MYLK: variants seen among roughly 807,000 people sequenced by gnomAD.
MYLK encodes the protein myosin light chain kinase.
In MYLK, 106 loss-of-function variants were observed where a neutral mutation model predicts 203.4. The ratio of observed to expected loss-of-function variants is 0.52; its 90% CI spans 0.45 to 0.61. The LOEUF is 0.61. Among genes scored for constraint, MYLK ranks in the 20% least tolerant of loss-of-function variants. The pLI is 0.00. For missense variants in MYLK, 2,072 were observed against 2,442.3 expected (o/e 0.85, Z 3.20); for synonymous variants, 867 against 959.5 (o/e 0.90, Z 1.78).
intron 18 of MYLK, among the ~76,000 whole-genome samples, chr3:123,698,621 G>A (rs1205535662): frequency 6.6e-6 from 1 of 152,126 alleles, no homozygotes; most frequent in Admixed American, 6.5e-5. Flanking sequence ...TGGAGGAGAC[G>A]ACTTCTGGAG....
intron 20 of MYLK, chr3:123,681,972 G>T (rs752277820): frequency 1.8e-6 from 1 of 556,584 alleles, no homozygotes; most frequent in Non-Finnish European, 3.3e-6. Context: ...GTAGATAGGA[G>T]CTCAGATGAG....
intron 3 of MYLK, among the ~76,000 whole-genome samples, chr3:123,799,534 G>A (rs2065117632): frequency 6.6e-6 from 1 of 152,114 alleles, no homozygotes; most frequent in South Asian, 2.1e-4. Context: ...CGGGCATCTT[G>A]GAAATATCAT....
At chr3:123,791,166 G>A (rs2064765740) in intron 4 of MYLK, among the ~76,000 whole-genome samples, 1 of 152,126 alleles carries the variant, frequency 6.6e-6, no homozygotes, top group Non-Finnish European at 1.5e-5. Context: ...AAGGTCAAGT[G>A]GCCCCAACAG....
chr3:123,637,441 G>A (rs1319015713), intron 29 of MYLK, among the ~76,000 whole-genome samples: 2 of 152,132 alleles, frequency 1.3e-5, no homozygotes, highest in Non-Finnish European at 2.9e-5. Flanking sequence ...GTGAAGTGCC[G>A]GCCTAGATGG....
chr3:123,626,560 G>T (rs2058157536), intron 31 of MYLK, among the ~76,000 whole-genome samples: 3 of 152,172 alleles, frequency 2.0e-5, no homozygotes, highest in Non-Finnish European at 4.4e-5. Flanking sequence ...AGGGTTTACG[G>T]TCCCCTGGGG....
chr3:123,831,822 C>T (rs971109747), intron 2 of MYLK, among the ~76,000 whole-genome samples, 152 bp from the exon 3 acceptor site: 3 of 152,084 alleles, frequency 2.0e-5, no homozygotes, highest in Non-Finnish European at 4.4e-5. Flanking sequence ...CTTTTATTAC[C>T]GTGTGGGGGG....
At chr3:123,839,163 C>A (rs988006554) in intron 2 of MYLK, among the ~76,000 whole-genome samples, 1 of 151,748 alleles carries the variant, frequency 6.6e-6, no homozygotes, top group African/African-American at 2.4e-5. Flanking sequence ...ATAAAAGGGA[C>A]AAGAAAAAGA....
At chr3:123,712,812 T>C (rs1189267732) in intron 13 of MYLK, among the ~76,000 whole-genome samples, 5 of 152,302 alleles carry the variant, frequency 3.3e-5, no homozygotes, top group African/African-American at 9.6e-5. Context: ...TTTAAAGAGA[T>C]AATAGGTAAA....
chr3:123,720,872 G>T (rs1170434857), intron 13 of MYLK, among the ~76,000 whole-genome samples: 4 of 152,176 alleles, frequency 2.6e-5, no homozygotes, highest in African/African-American at 7.2e-5. Flanking sequence ...GCCCACAGTG[G>T]CCAGTCTTCC....
chr3:123,884,329 G>A lies in MYLK; in HGVS notation c.-309C>T. 1 of 141,972 alleles carries A rather than the reference G, an allele frequency of 7.0e-6. No homozygotes were observed. The highest frequency in any genetic ancestry group is 2.2e-4 in the South Asian group (1 of 4,636). 8.8% of individuals were successfully genotyped at this position (141,972 alleles called of 1,614,324 possible). ...TGCTGCCGACCGGGCGGCGCGGGGA[G>A]CCCGCGAGGCGCGTCCGGGACTGGG... is the stretch of plus-strand genomic sequence containing the variant. On this transcript the variant is annotated 5_prime_UTR_variant, in exon 1 of 34. Coordinates refer to ENST00000360304, the MANE Select transcript of MYLK (RefSeq NM_053025.4).
chr3:123,821,847 G>T (rs1209469889), intron 3 of MYLK, among the ~76,000 whole-genome samples: 3 of 152,176 alleles, frequency 2.0e-5, no homozygotes, highest in Non-Finnish European at 4.4e-5. Flanking sequence ...GTCCAACCCT[G>T]TAGGGGGTTG....
intron 1 of MYLK, among the ~76,000 whole-genome samples, chr3:123,877,691 T>TTCC (rs1241557739): frequency 8.5e-5 from 13 of 152,314 alleles, no homozygotes; most frequent in Middle Eastern, 3.4e-3. Context: ...ATAAGAACTG[T>TTCC]TCCTCCAGGC....
intron 29 of MYLK, chr3:123,630,439 C>T (rs910207488): frequency 6.6e-6 from 1 of 152,232 alleles, no homozygotes; most frequent in African/African-American, 2.4e-5. Flanking sequence ...CAAGTGAACT[C>T]ACTTAATCTT....
intron 20 of MYLK, among the ~76,000 whole-genome samples, chr3:123,672,430 G>A (rs1003361872): frequency 2.6e-5 from 4 of 152,024 alleles, no homozygotes; most frequent in Non-Finnish European, 4.4e-5. Context: ...CCAGTCTGCC[G>A]TACTTTGTTA....
At chr3:123,616,444 T>C (rs1295596852) in intron 33 of MYLK, 1 of 152,224 alleles carries the variant, frequency 6.6e-6, no homozygotes, top group Non-Finnish European at 1.5e-5. Flanking sequence ...ACATAGTATA[T>C]ACATGTACCC....
In MYLK at chr3:123,771,299, C is replaced by A. The variant is rs375664238; in HGVS notation, c.166-18761G>T. Among the ~76,000 whole-genome samples, 12 of 152,266 alleles carry A rather than the reference C, an allele frequency of 7.9e-5. No homozygotes were observed. The East Asian group carries it at 1.2e-3, about 15-fold the overall frequency. ...GAAAAGCATCTACTTCTTTCAAGATCTTCAAATCGGAGTTTACCCTGAAAA... is the reference window on the plus strand; with the variant it reads ...GAAAAGCATCTACTTCTTTCAAGATATTCAAATCGGAGTTTACCCTGAAAA... On this transcript the variant is annotated intron_variant, in intron 4 of 33. Transcript: ENST00000360304.
At position 123,858,698 on chromosome 3, in the gene MYLK, T is replaced by C. The variant is rs191422686; in HGVS notation, c.-127+17861A>G. On this transcript the variant is annotated intron_variant, in intron 2 of 33. Coordinates refer to ENST00000360304, the MANE Select transcript of MYLK (RefSeq NM_053025.4). ...ACCTATTAATCCATTAATCCATGAA[T>C]GGATTTATCCATTCATGAAGGCAGA... is the stretch of plus-strand genomic sequence containing the variant. Among the ~76,000 whole-genome samples, 639 of 152,278 alleles carry C rather than the reference T, an allele frequency of 4.2e-3. 1 individual carries two copies. Among genetic ancestry groups the C allele is most frequent in the Admixed American group, 7.3e-3 (112 of 15,292 alleles).
chr3:123,684,899 A>T (rs2060398917), intron 19 of MYLK, among the ~76,000 whole-genome samples: 1 of 152,206 alleles, frequency 6.6e-6, no homozygotes, highest in African/African-American at 2.4e-5. Flanking sequence ...TGGCTTCAGC[A>T]CTCATTCTCC....
intron 4 of MYLK, among the ~76,000 whole-genome samples, chr3:123,755,581 C>T (rs1243188489): frequency 1.3e-5 from 2 of 152,158 alleles, no homozygotes; most frequent in African/African-American, 2.4e-5. Context: ...AACTTTAATA[C>T]TTGCCCTCCC....
Sources: allele counts gnomAD v4.1 joint callset (sites outside exome capture counted in the v4.1 genomes callset), GRCh38; gene constraint gnomAD v4.1.1; transcripts MANE v1.5; gene names NCBI Gene and HGNC (gene_info 2026-07-23, HGNC 2026-07-21).